Variants in ZNF385B observed in about 807,000 individuals in gnomAD.
The protein encoded by ZNF385B is zinc finger protein 533.
In ZNF385B, 23 loss-of-function variants were observed where a neutral mutation model predicts 39.2. That is an observed-to-expected ratio of 0.59 (90% CI 0.42 to 0.83). The LOEUF is 0.83. Ranked by LOEUF, ZNF385B falls within the 40% of genes least tolerant of loss-of-function variation. ZNF385B has a pLI of 0.00. For synonymous variants in ZNF385B, 205 were observed against 222.6 expected (o/e 0.92, Z 0.70); for missense variants, 552 against 598.9 (o/e 0.92, Z 0.82).
At chr2:179,540,505 C>CCAAT (rs562769175) in intron 4 of ZNF385B, among the ~76,000 whole-genome samples, 226 of 150,362 alleles carry the variant, frequency 1.5e-3, no homozygotes, top group African/African-American at 5.3e-3. Context: ...ACAAAAAAAA[C>CCAAT]CACAGTTTTC....
intron 6 of ZNF385B, among the ~76,000 whole-genome samples, chr2:179,463,499 C>T (rs983508410): frequency 1.3e-5 from 2 of 152,078 alleles, no homozygotes; most frequent in African/African-American, 4.8e-5. Context: ...GTTATCCCTC[C>T]CCTAGCCCCC....
At chr2:179,627,738 C>T (rs1324593155) in intron 3 of ZNF385B, among the ~76,000 whole-genome samples, 1 of 152,080 alleles carries the variant, frequency 6.6e-6, no homozygotes, top group African/African-American at 2.4e-5. Context: ...TTTACTAGCA[C>T]ACTACTGCCT....
At chr2:179,514,664 A>C (rs550554843) in intron 5 of ZNF385B, among the ~76,000 whole-genome samples, 1 of 152,346 alleles carries the variant, frequency 6.6e-6, no homozygotes, top group East Asian at 1.9e-4. Flanking sequence ...ATATTTGCAT[A>C]AGCAAGCCCT....
At chr2:179,510,854 G>T (rs2057628867) in intron 5 of ZNF385B, among the ~76,000 whole-genome samples, 1 of 152,140 alleles carries the variant, frequency 6.6e-6, no homozygotes, top group South Asian at 2.1e-4. Context: ...AAACACAGGG[G>T]AAGAGAAACA....
At chr2:179,689,826 T>TGTGTGTG (rs1491484227) in intron 3 of ZNF385B, among the ~76,000 whole-genome samples, 18 of 46,732 alleles carry the variant, frequency 3.9e-4, no homozygotes, top group African/African-American at 1.7e-3. Flanking sequence ...TGTGTGTGTG[T>TGTGTGTG]TTATTTGTTT....
At chr2:179,687,941 G>A (rs1446119337) in intron 3 of ZNF385B, among the ~76,000 whole-genome samples, 4 of 152,238 alleles carry the variant, frequency 2.6e-5, no homozygotes, top group Middle Eastern at 3.4e-3. Context: ...TCAAATCATG[G>A]CTCTGTATTT....
At chr2:179,704,422 C>A (rs943074865) in intron 3 of ZNF385B, among the ~76,000 whole-genome samples, 1 of 152,110 alleles carries the variant, frequency 6.6e-6, no homozygotes, top group African/African-American at 2.4e-5. Flanking sequence ...TCTGTGTTAT[C>A]TGAGTTGATT....
At chr2:179,672,280 T>A (rs1553502675) in intron 3 of ZNF385B, among the ~76,000 whole-genome samples, 1 of 152,214 alleles carries the variant, frequency 6.6e-6, no homozygotes, top group Non-Finnish European at 1.5e-5. Context: ...ACCACTACAG[T>A]TTAGAAGCAC....
chr2:179,703,307 T>C (rs972314353), intron 3 of ZNF385B, among the ~76,000 whole-genome samples: 1 of 152,200 alleles, frequency 6.6e-6, no homozygotes, highest in African/African-American at 2.4e-5. Flanking sequence ...CCCCAGAAAC[T>C]ACATGACTAG....
intron 3 of ZNF385B, among the ~76,000 whole-genome samples, chr2:179,584,353 T>C (rs1686859932): frequency 6.6e-6 from 1 of 151,974 alleles, no homozygotes; most frequent in Admixed American, 6.6e-5. Flanking sequence ...CCTAAGCCAC[T>C]GAGAACTGCT....
chr2:179,860,243 A>G (rs1484459944), intron 1 of ZNF385B, among the ~76,000 whole-genome samples: 2 of 152,136 alleles, frequency 1.3e-5, no homozygotes, highest in Non-Finnish European at 2.9e-5. Flanking sequence ...GAGCATTCCA[A>G]AACTGCGTTA....
At chr2:179,617,866 CT>C (rs1574996654) in intron 3 of ZNF385B, among the ~76,000 whole-genome samples, 1 of 152,174 alleles carries the variant, frequency 6.6e-6, no homozygotes, top group African/African-American at 2.4e-5. Context: ...GAGAGAACTA[CT>C]CTTAAAGAAT....
At chr2:179,511,633 T>C (rs1003167760) in intron 5 of ZNF385B, among the ~76,000 whole-genome samples, 4 of 152,154 alleles carry the variant, frequency 2.6e-5, no homozygotes, top group African/African-American at 7.2e-5. Context: ...AGATTTATAG[T>C]AAAGAGTAGC....
intron 3 of ZNF385B, among the ~76,000 whole-genome samples, chr2:179,553,839 A>C (rs1467211273): frequency 1.3e-5 from 2 of 148,766 alleles, no homozygotes; most frequent in Non-Finnish European, 3.0e-5. Flanking sequence ...TCTTCCCTCA[A>C]TTTTTTTAGC....
intron 3 of ZNF385B, among the ~76,000 whole-genome samples, chr2:179,680,269 G>T (rs1396300456): frequency 1.3e-5 from 2 of 152,024 alleles, no homozygotes; most frequent in Admixed American, 1.3e-4. Context: ...TCCTTAATTT[G>T]AAAAAGTATT....
At chr2:179,660,581 A>AT (rs1400637560) in intron 3 of ZNF385B, among the ~76,000 whole-genome samples, 1 of 152,128 alleles carries the variant, frequency 6.6e-6, no homozygotes, top group East Asian at 1.9e-4. Flanking sequence ...GATGCATCTT[A>AT]TCTCACCAAT....
intron 3 of ZNF385B, among the ~76,000 whole-genome samples, chr2:179,636,682 T>A (rs935202185): frequency 7.9e-5 from 12 of 152,186 alleles, no homozygotes; most frequent in Admixed American, 7.9e-4. Context: ...CTTGAGAGAA[T>A]CATCACCTCA....
intron 3 of ZNF385B, among the ~76,000 whole-genome samples, chr2:179,716,399 C>G (rs1281751196): frequency 6.6e-6 from 1 of 151,998 alleles, no homozygotes; most frequent in East Asian, 1.9e-4. Context: ...TTTCCATTTT[C>G]TGTTGTAGTT....
At chr2:179,477,893 G>T (rs1226969967) in intron 6 of ZNF385B, among the ~76,000 whole-genome samples, 1 of 152,120 alleles carries the variant, frequency 6.6e-6, no homozygotes, top group Non-Finnish European at 1.5e-5. Context: ...AAGCCTTGAT[G>T]GTCCCTTCAC....
Sources: allele counts gnomAD v4.1 joint callset (sites outside exome capture counted in the v4.1 genomes callset), GRCh38; gene constraint gnomAD v4.1.1; transcripts MANE v1.5; gene names NCBI Gene and HGNC (gene_info 2026-07-23, HGNC 2026-07-21).